Variants in DCHS2 observed in about 807,000 individuals in gnomAD.
DCHS2 encodes the protein dachsous cadherin-related 2, also known as protocadherin-23.
A neutral mutation model predicts 182.4 loss-of-function variants in DCHS2; 142 were observed. That is an observed-to-expected ratio of 0.78 (90% confidence interval 0.68 to 0.89). The LOEUF (loss-of-function observed/expected upper bound fraction) is 0.89, where lower values mean the gene tolerates loss of function less well. Among genes scored for constraint, DCHS2 ranks in the 40% least tolerant of loss-of-function variants. DCHS2 has a pLI of 0.00. For synonymous variants in DCHS2, 1,740 were observed against 1,663.3 expected (o/e 1.05, Z -1.12); for missense variants, 4,319 against 4,198.6 (o/e 1.03, Z -0.79).
chr4:154,259,199 T>G lies in DCHS2; in HGVS notation c.6789+346A>C, dbSNP rs537331937. On this transcript the variant is annotated intron_variant, in intron 15 of 19. Transcript: ENST00000357232. The stretch of plus-strand genomic sequence containing the variant: ...TTCTATGAAGTCTTACACTCCTCCT[T>G]CAGGAGGAGGCTGTGTCTCCTCTTT... Among the ~76,000 whole-genome samples the G allele has an allele frequency of 3.3e-5, 5 of 152,216 alleles. No individual in the cohort carries two copies. The South Asian group carries it at 1.0e-3, about 32-fold the overall frequency.
intron 1 of DCHS2, among the ~76,000 whole-genome samples, chr4:154,421,497 C>T (rs1006974925): frequency 1.1e-4 from 16 of 152,092 alleles, no homozygotes; most frequent in Non-Finnish European, 1.8e-4. Context: ...GTGGTTTAAG[C>T]GATTCTCCTG....
Position 154,491,559 on chromosome 4 carries a change from T to G in DCHS2, c.-204A>C. On this transcript the variant is annotated 5_prime_UTR_variant, in exon 1 of 20. Transcript: ENST00000357232. ...CCTGCAGCTCACGCAGACAGGGAAG[T>G]AAGCTCTAGCTGCCTCTGCCGCGGC... 1 of 1,377,588 alleles carries G rather than the reference T, an allele frequency of 7.3e-7. No homozygotes were observed. Among genetic ancestry groups the G allele is most frequent in the East Asian group, 2.8e-5 (1 of 36,328 alleles). The allele number at this position is 1,377,588 out of a possible 1,614,324, so 85.3% of individuals were successfully genotyped here. A position where few individuals can be genotyped will look rare whatever the true frequency, so the allele number is the denominator to read the frequency against.
At chr4:154,278,773 C>T (rs1056690495) in intron 13 of DCHS2, among the ~76,000 whole-genome samples, 4 of 151,812 alleles carry the variant, frequency 2.6e-5, no homozygotes, top group Admixed American at 1.3e-4. Context: ...CCAAGAATAC[C>T]ACGTCTTCCA....
rs1002000814 is a variant in DCHS2 at position 154,232,460 on chromosome 4, T to C, written c.*2076A>G. 4 of 152,036 alleles carry C rather than the reference T, an allele frequency of 2.6e-5. No individual in the cohort carries two copies. Among genetic ancestry groups the C allele is most frequent in the African/African-American group, 9.7e-5 (4 of 41,410 alleles). 9.4% of individuals were successfully genotyped at this position (152,036 alleles called of 1,614,324 possible). A position where few individuals can be genotyped will look rare whatever the true frequency, so the allele number is the denominator to read the frequency against. On this transcript the variant is annotated 3_prime_UTR_variant, in exon 20 of 20. Coordinates refer to ENST00000357232, the MANE Select transcript of DCHS2 (RefSeq NM_001358235.2). ...TGGCTAGAAAACATACAGAATCACA[T>C]CCATAATGAGTAAATAAATCACAGT...
In DCHS2 at chr4:154,333,146, G is replaced by C; in HGVS notation, c.3062C>G (p.Pro1021Arg). 6.2e-7 allele frequency: 1 copy of C among 1,614,166 alleles called. No homozygotes were observed. Among genetic ancestry groups the C allele is most frequent in the Non-Finnish European group, 8.5e-7 (1 of 1,180,034 alleles). ...NGLIRYSIAS[P>R]QPGVFAIDRA... ...GTCGATGGCAAAGACGCCTGGCTGC[G>C]GGCTGGCGATGGAGTACCGGATGAG... Residue 1021 changes from proline (P) to arginine (R), a missense_variant, in exon 5 of 20, where the codon CCG becomes CGG. Physicochemically the swap from Pro to Arg is moderately radical, Grantham distance 103. Coordinates refer to ENST00000357232, the MANE Select transcript of DCHS2 (RefSeq NM_001358235.2).
In DCHS2 at chr4:154,333,379, C is replaced by A. The variant is rs1211062468; in HGVS notation, c.2829G>T (p.Gln943His). 2 of 1,614,154 alleles carry A rather than the reference C, an allele frequency of 1.2e-6. No individual in the cohort carries two copies. The highest frequency in any genetic ancestry group is 2.2e-5 in the East Asian group (1 of 44,874). The change falls in exon 5 of 20, where the codon CAG becomes CAT. Residue 943 changes from glutamine (Q) to histidine (H), a missense_variant. Transcript: ENST00000357232. ...RTRKPLDHET[Q>H]PVVVLTVQAQ... is the part of the protein sequence containing the mutation. ...CCTGCACCGTGAGCACAACCACGGG[C>A]TGCGTCTCGTGATCCAGGGGCTTCC...
intron 1 of DCHS2, among the ~76,000 whole-genome samples, chr4:154,406,602 G>A (rs898185815): frequency 1.3e-5 from 2 of 152,160 alleles, no homozygotes; most frequent in African/African-American, 4.8e-5. Context: ...ACCCAAGAAT[G>A]TTAATGACTA....
chr4:154,320,859 G>A lies in DCHS2; in HGVS notation c.4540C>T (p.Leu1514Phe), dbSNP rs112514539. The A allele has an allele frequency of 4.6e-3, 7,442 of 1,614,020 alleles. 302 individuals carry two copies. The African/African-American group carries it at 0.084, about 18-fold the overall frequency. Reference protein sequence around the residue: ...NDHSPSFQDELIVISVEENVP... With the variant: ...NDHSPSFQDEFIVISVEENVP... ...TTCTCCTCTACACTGATCACAATGA[G>A]CTCATCCTGGAAAGATGGGGAATGG... Residue 1514 changes from leucine to phenylalanine, a missense_variant, in exon 9 of 20, where the codon CTC becomes TTC. Transcript: ENST00000357232.
chr4:154,442,626 C>T (rs1297833496), intron 1 of DCHS2, among the ~76,000 whole-genome samples: 2 of 148,688 alleles, frequency 1.3e-5, no homozygotes, highest in Non-Finnish European at 3.0e-5. Flanking sequence ...CACATCCCTA[C>T]TGCCAGTGGG....
chr4:154,456,537 G>A (rs1478369549), intron 1 of DCHS2, among the ~76,000 whole-genome samples: 5 of 152,174 alleles, frequency 3.3e-5, no homozygotes, highest in African/African-American at 1.2e-4. Flanking sequence ...TCTGAGAACG[G>A]TTCTCGGAAG....
At chr4:154,391,709 G>A (rs746245454) in intron 1 of DCHS2, among the ~76,000 whole-genome samples, 3 of 152,076 alleles carry the variant, frequency 2.0e-5, no homozygotes, top group Non-Finnish European at 4.4e-5. Flanking sequence ...ATGTTTTGGG[G>A]GTTCTGTGTG....
chr4:154,432,037 T>C (rs1733580518), intron 1 of DCHS2, among the ~76,000 whole-genome samples: 1 of 152,236 alleles, frequency 6.6e-6, no homozygotes. Flanking sequence ...AAACCACCTG[T>C]GCCACTTTGT....
chr4:154,283,834 G>A (rs1235178205), intron 13 of DCHS2, among the ~76,000 whole-genome samples: 2 of 152,052 alleles, frequency 1.3e-5, no homozygotes, highest in Non-Finnish European at 2.9e-5. Flanking sequence ...TTCTTGTATG[G>A]GCTGTCATCC....
chr4:154,393,162 T>A (rs558701663), intron 1 of DCHS2, among the ~76,000 whole-genome samples: 1 of 152,330 alleles, frequency 6.6e-6, no homozygotes, highest in African/African-American at 2.4e-5. Context: ...AGCTATATGA[T>A]TAATACCTGA....
At chr4:154,468,551 T>A (rs549821821) in intron 1 of DCHS2, among the ~76,000 whole-genome samples, 1 of 152,190 alleles carries the variant, frequency 6.6e-6, no homozygotes, top group East Asian at 1.9e-4. Context: ...TGCTCTAAAG[T>A]CATGTTTTGA....
At chr4:154,351,060 C>T (rs908471608) in intron 3 of DCHS2, among the ~76,000 whole-genome samples, 3 of 152,162 alleles carry the variant, frequency 2.0e-5, no homozygotes, top group Admixed American at 1.3e-4. Flanking sequence ...AAACTGCCTT[C>T]TAGTGATGAA....
intron 13 of DCHS2, among the ~76,000 whole-genome samples, chr4:154,274,003 C>T (rs375356251): frequency 1.8e-4 from 28 of 152,234 alleles, no homozygotes; most frequent in African/African-American, 6.5e-4. Flanking sequence ...CAGGAGCTGA[C>T]ATGGTGTCAG....
chr4:154,421,605 G>A (rs1388295386), intron 1 of DCHS2, among the ~76,000 whole-genome samples: 2 of 152,112 alleles, frequency 1.3e-5, no homozygotes, highest in Non-Finnish European at 2.9e-5. Context: ...ATGTTGGCCA[G>A]GCTGGTCTCG....
intron 1 of DCHS2, among the ~76,000 whole-genome samples, chr4:154,464,693 A>G (rs1176666269): frequency 3.3e-5 from 5 of 152,316 alleles, no homozygotes; most frequent in South Asian, 2.1e-4. Flanking sequence ...GGGAACTTAC[A>G]TGGGTTCCAG....
Sources: gnomAD v4.1 joint callset for allele counts (sites outside exome capture counted in the v4.1 genomes callset) on GRCh38, gnomAD v4.1.1 for gene constraint, MANE v1.5 for transcripts, NCBI Gene and HGNC (gene_info 2026-07-23, HGNC 2026-07-21) for gene names.